Variants in FAM185A observed in about 807,000 individuals in gnomAD.
FAM185A encodes family with sequence similarity 185 member A, also known as protein FAM185A.
A neutral mutation model predicts 45.7 loss-of-function variants in FAM185A; 21 were observed. That is an observed-to-expected ratio of 0.46 (90% CI 0.33 to 0.66). The LOEUF (loss-of-function observed/expected upper bound fraction) is 0.66, where lower values mean the gene tolerates loss of function less well. Ranked by LOEUF, FAM185A falls within the 30% of genes least tolerant of loss-of-function variation. The pLI is 0.03. For missense variants in FAM185A, 305 were observed against 485.4 expected, an observed-to-expected ratio of 0.63 and a Z score of 3.49; for synonymous variants, 117 against 194.0, an observed-to-expected ratio of 0.60 and a Z score of 3.30.
chr7:102,780,930 G>C (rs976075627), intron 6 of FAM185A, among the ~76,000 whole-genome samples: 6 of 152,202 alleles, frequency 3.9e-5, no homozygotes, highest in African/African-American at 1.4e-4. Flanking sequence ...GGGGGTGACA[G>C]ACAGCACCTG....
chr7:102,842,606 G>C, the FAM185A span, among the ~76,000 whole-genome samples: 1 of 152,202 alleles, frequency 6.6e-6, no homozygotes, highest in Admixed American at 6.5e-5. Flanking sequence ...TCCAGTTCTT[G>C]CTGTTAGAGC....
At chr7:102,812,646 C>G (rs1175688471), downstream of FAM185A, among the ~76,000 whole-genome samples, 1 of 152,126 alleles carries the variant, frequency 6.6e-6, no homozygotes, top group Non-Finnish European at 1.5e-5. Context: ...TCCCCTGGCT[C>G]AAACTCTTAG....
At chr7:102,752,149 A>G (rs1481929393) in intron 2 of FAM185A, among the ~76,000 whole-genome samples, 1 of 152,208 alleles carries the variant, frequency 6.6e-6, no homozygotes, top group African/African-American at 2.4e-5. Context: ...TTTATGCACT[A>G]TAAATGTGCT....
At position 102,778,444 on chromosome 7, in the gene FAM185A, T is replaced by A. The variant is rs572736058; in HGVS notation, c.931+1096T>A. On this transcript the variant is annotated intron_variant, in intron 6 of 7. Coordinates refer to ENST00000413034, the MANE Select transcript of FAM185A (RefSeq NM_001145268.2). ...ATCCAAAGAGAAGAGGGATATATTG[T>A]TAATATAACTAGTAACAGAGTAAGA... is the stretch of plus-strand genomic sequence containing the variant. Among the ~76,000 whole-genome samples, 10 of 152,420 alleles carry A rather than the reference T, an allele frequency of 6.6e-5. No individual in the cohort carries two copies. The East Asian group carries it at 1.9e-3, about 29-fold the overall frequency.
chr7:102,799,904 G>C (rs1354391956), intron 7 of FAM185A, among the ~76,000 whole-genome samples: 1 of 151,180 alleles, frequency 6.6e-6, no homozygotes, highest in Non-Finnish European at 1.5e-5. Context: ...AGCGTGTAGA[G>C]GCTCGCGTCA....
At chr7:102,816,034 C>T in the FAM185A span, among the ~76,000 whole-genome samples, 5 of 152,190 alleles carry the variant, frequency 3.3e-5, no homozygotes, top group African/African-American at 9.7e-5. Context: ...GAACCCCAGC[C>T]ATGGGTGAAG....
chr7:102,797,124 G>A (rs1264370437), intron 7 of FAM185A, among the ~76,000 whole-genome samples: 1 of 152,114 alleles, frequency 6.6e-6, no homozygotes, highest in African/African-American at 2.4e-5. Context: ...TTCTTGTCAA[G>A]GTATCTTGGG....
At chr7:102,783,320 T>C (rs1348793356) in intron 6 of FAM185A, among the ~76,000 whole-genome samples, 1 of 151,998 alleles carries the variant, frequency 6.6e-6, no homozygotes, top group Admixed American at 6.6e-5. Flanking sequence ...TCTACAGAAC[T>C]CTCCACCCCA....
chr7:102,776,116 A>ACATATACACACACACACAC (rs1198677194), intron 5 of FAM185A, among the ~76,000 whole-genome samples: 44 of 126,520 alleles, frequency 3.5e-4, no homozygotes, highest in East Asian at 1.0e-3. Context: ...ACACACACAC[A>ACATATACACACACACACAC]AATGTTTTCT....
chr7:102,800,750 A>T, intron 7 of FAM185A, among the ~76,000 whole-genome samples: 1 of 152,112 alleles, frequency 6.6e-6, no homozygotes, highest in Non-Finnish European at 1.5e-5. Context: ...AAATGACCAA[A>T]TCTAAGAATA....
chr7:102,784,703 A>G (rs1344625568), intron 6 of FAM185A, among the ~76,000 whole-genome samples: 1 of 152,224 alleles, frequency 6.6e-6, no homozygotes, highest in Non-Finnish European at 1.5e-5. Flanking sequence ...AGAGCTATCT[A>G]TGACAAACCC....
At chr7:102,800,989 C>G (rs1796756140) in intron 7 of FAM185A, among the ~76,000 whole-genome samples, 1 of 152,156 alleles carries the variant, frequency 6.6e-6, no homozygotes, top group South Asian at 2.1e-4. Context: ...ACAAAAGCAC[C>G]AGGTAACCGA....
chr7:102,823,195 A>T, the FAM185A span, among the ~76,000 whole-genome samples: 1 of 152,234 alleles, frequency 6.6e-6, no homozygotes, highest in African/African-American at 2.4e-5. Flanking sequence ...TGAGCAACTT[A>T]TGAAATGCTA....
At chr7:102,829,079 C>T in the FAM185A span, among the ~76,000 whole-genome samples, 6 of 152,172 alleles carry the variant, frequency 3.9e-5, no homozygotes, top group Non-Finnish European at 8.8e-5. Context: ...CGTGCTTCAG[C>T]CCAGTGGGTC....
intron 2 of FAM185A, chr7:102,755,894 G>A (rs1485399121): frequency 1.1e-5 from 8 of 703,154 alleles, no homozygotes; most frequent in African/African-American, 1.1e-4. Flanking sequence ...ACATTGCCAA[G>A]CTCGAAAAGG....
intron 2 of FAM185A, among the ~76,000 whole-genome samples, chr7:102,756,388 T>A (rs1793738213): frequency 6.6e-6 from 1 of 152,214 alleles, no homozygotes; most frequent in South Asian, 2.1e-4. Context: ...CCGGGTGCAG[T>A]GGCTCATGCC....
downstream of FAM185A, among the ~76,000 whole-genome samples, chr7:102,810,467 T>C (rs912986994): frequency 6.6e-6 from 1 of 152,042 alleles, no homozygotes; most frequent in Non-Finnish European, 1.5e-5. Context: ...CCTGGCCTCA[T>C]GTGATCTGCC....
chr7:102,786,329 G>A (rs1795794242), intron 6 of FAM185A, among the ~76,000 whole-genome samples: 1 of 152,166 alleles, frequency 6.6e-6, no homozygotes, highest in Admixed American at 6.5e-5. Flanking sequence ...TCCCATTACT[G>A]GGTATATACC....
the FAM185A span, among the ~76,000 whole-genome samples, chr7:102,828,845 C>A: frequency 6.6e-6 from 1 of 152,180 alleles, no homozygotes; most frequent in East Asian, 1.9e-4. Context: ...GGGAGAGCAG[C>A]CAGGCTTTGT....
Sources: allele counts gnomAD v4.1 joint callset (sites outside exome capture counted in the v4.1 genomes callset), GRCh38; gene constraint gnomAD v4.1.1; transcripts MANE v1.5; gene names NCBI Gene and HGNC (gene_info 2026-07-23, HGNC 2026-07-21).